ZNF846: variants seen among roughly 807,000 people sequenced by gnomAD.
ZNF846 encodes the protein zinc finger protein 420 pseudogene.
Under a neutral mutation model 16.0 loss-of-function variants are expected in ZNF846, and 15 were observed. The observed-to-expected ratio is 0.94, with a 90% CI of 0.63 to 1.45. ZNF846 has a LOEUF of 1.45. ZNF846 is among the 40% of genes most tolerant of loss of function. The pLI is 0.00. For missense variants in ZNF846, 714 were observed against 622.3 expected (o/e 1.15, Z -1.57); for synonymous variants, 229 against 212.0 (o/e 1.08, Z -0.70).
chr19:9,764,883 C>T (rs2045289612), intron 2 of ZNF846, 53 bp downstream of exon 2: 4 of 1,606,450 alleles, frequency 2.5e-6, no homozygotes, highest in Non-Finnish European at 3.4e-6. Context: ...GGTAAGGCTA[C>T]CGATGATGGC....
intron 1 of ZNF846, among the ~76,000 whole-genome samples, chr19:9,775,572 A>G (rs2045432037): frequency 6.6e-6 from 1 of 152,208 alleles, no homozygotes; most frequent in Admixed American, 6.5e-5. Flanking sequence ...AAAAGACAAA[A>G]TTACATGGAT....
chr19:9,774,994 A>T, intron 1 of ZNF846: 7 of 1,595,024 alleles, frequency 4.4e-6, no homozygotes, highest in Non-Finnish European at 6.0e-6. Flanking sequence ...AAGTGTAAGC[A>T]GAGGCCCCAT....
At chr19:9,784,619 C>G (rs914016878) in intron 1 of ZNF846, among the ~76,000 whole-genome samples, 1 of 152,134 alleles carries the variant, frequency 6.6e-6, no homozygotes, top group African/African-American at 2.4e-5. Flanking sequence ...AGACCCTTTA[C>G]GGGTGTCAGG....
At chr19:9,773,920 G>T (rs949163436) in intron 1 of ZNF846, among the ~76,000 whole-genome samples, 1 of 152,168 alleles carries the variant, frequency 6.6e-6, no homozygotes, top group African/African-American at 2.4e-5. Flanking sequence ...ATGTGAAATT[G>T]CTATCTAAAA....
At chr19:9,754,341 G>T (rs1042590466), downstream of ZNF846, among the ~76,000 whole-genome samples, 1 of 151,378 alleles carries the variant, frequency 6.6e-6, no homozygotes, top group Non-Finnish European at 1.5e-5. Context: ...GAGGTGAGCA[G>T]ATCACCTGAA....
chr19:9,770,909 A>C (rs1241628131), upstream of ZNF846, among the ~76,000 whole-genome samples: 1 of 152,172 alleles, frequency 6.6e-6, no homozygotes, highest in Non-Finnish European at 1.5e-5. Flanking sequence ...CTCAAAAAAT[A>C]AAACCTAGAA....
intron 1 of ZNF846, among the ~76,000 whole-genome samples, chr19:9,777,024 G>A (rs758145703): frequency 1.1e-4 from 17 of 151,752 alleles, no homozygotes; most frequent in African/African-American, 2.7e-4. Flanking sequence ...CAATTTCACC[G>A]GGGTATGCAG....
At chr19:9,752,661 C>CT (rs1429557145), downstream of ZNF846, among the ~76,000 whole-genome samples, 1 of 143,998 alleles carries the variant, frequency 6.9e-6, no homozygotes, top group Non-Finnish European at 1.5e-5. Context: ...TCAGTGATTT[C>CT]CCTTTTTTTT....
intron 3 of ZNF846, 191 bp from the exon 4 acceptor site, chr19:9,762,359 C>T: frequency 1.9e-6 from 1 of 525,390 alleles, no homozygotes; most frequent in Non-Finnish European, 3.4e-6. Flanking sequence ...AAATGTTGCC[C>T]AGGTATAATG....
At position 9,782,657 on chromosome 19, in the gene ZNF846, G is replaced by C. The variant is rs1341091852; in HGVS notation, c.-86+3281C>G. The stretch of plus-strand genomic sequence containing the variant: ...GTTTCTGCACCACCAGGGGAAGAAA[G>C]CCAACTAAATTTAGATTGTTACATG... On this transcript the variant is annotated intron_variant, in intron 1 of 4. Transcript: ENST00000586814. 2.0e-5 allele frequency among the ~76,000 whole-genome samples: 3 copies of C among 152,306 alleles called. No individual in the cohort carries two copies. The East Asian group carries it at 5.8e-4, about 29-fold the overall frequency.
In ZNF846 at chr19:9,764,019, G is replaced by A. The variant is rs546675733; in HGVS notation, c.16-611C>T. ...AACAGCGTGTGATGTGCTTCCCCCT[G>A]CACAGAGCCTATGAATGGACGTGCA... On this transcript the variant is annotated intron_variant, in intron 2 of 5. Coordinates refer to ENST00000397902, the Ensembl canonical transcript of ZNF846. 2.6e-5 allele frequency among the ~76,000 whole-genome samples: 4 copies of A among 152,300 alleles called. No homozygotes were observed. In the South Asian group the frequency reaches 8.3e-4, roughly 32 times the overall value.
chr19:9,765,370 A>G (rs2045298952), intron 1 of ZNF846, among the ~76,000 whole-genome samples: 1 of 150,486 alleles, frequency 6.6e-6, no homozygotes, highest in Admixed American at 6.6e-5. Context: ...GTGCGACTCC[A>G]TCTTAAAAAA....
chr19:9,754,564 T>TAAAAAAAAAAAAA (rs545236944), downstream of ZNF846, among the ~76,000 whole-genome samples: 4 of 88,694 alleles, frequency 4.5e-5, no homozygotes, highest in African/African-American at 2.1e-4. Context: ...GACTCTGTCT[T>TAAAAAAAAAAAAA]AAAAAAAAAA....
upstream of ZNF846, among the ~76,000 whole-genome samples, chr19:9,769,626 G>A (rs2045371309): frequency 6.6e-6 from 1 of 152,126 alleles, no homozygotes; most frequent in South Asian, 2.1e-4. Context: ...CCTAGCTACT[G>A]CGGGAGAATC....
At chr19:9,752,535 A>G (rs775071081), downstream of ZNF846, 43 of 239,164 alleles carry the variant, frequency 1.8e-4, no homozygotes, top group Non-Finnish European at 3.4e-4. Context: ...GAATCACTTG[A>G]ACCTGGGAGG....
downstream of ZNF846, chr19:9,756,055 G>C (rs1031994645): frequency 6.7e-6 from 1 of 148,420 alleles, no homozygotes; most frequent in Non-Finnish European, 1.5e-5. Flanking sequence ...TGGCAGGCTG[G>C]TCTCAAACTC....
At chr19:9,756,168 T>C (rs1323812371), downstream of ZNF846, 2 of 150,406 alleles carry the variant, frequency 1.3e-5, no homozygotes, top group African/African-American at 5.0e-5. Flanking sequence ...TTCATATAGC[T>C]TGTTTGCAGT....
At chr19:9,757,665 G>T (rs370153110) in exon 6 of ZNF846, 4 of 1,613,166 alleles carry the variant, frequency 2.5e-6, no homozygotes, top group East Asian at 2.2e-5. Flanking sequence ...TCCTGTGTGC[G>T]TTCGCATGTG....
intron 1 of ZNF846, among the ~76,000 whole-genome samples, chr19:9,779,698 G>A (rs1157719893): frequency 2.6e-5 from 4 of 151,570 alleles, no homozygotes; most frequent in Non-Finnish European, 4.4e-5. Flanking sequence ...AGCCTCCCAA[G>A]CAGCTGGGAT....
Sources: allele counts gnomAD v4.1 joint callset (sites outside exome capture counted in the v4.1 genomes callset), GRCh38; gene constraint gnomAD v4.1.1; transcripts MANE v1.5; gene names NCBI Gene and HGNC (gene_info 2026-07-23, HGNC 2026-07-21).